KIAA1671: variants seen among roughly 807,000 people sequenced by gnomAD.
KIAA1671 encodes the protein KIAA1671.
KIAA1671 carries 52 observed loss-of-function variants against 131.2 expected under a neutral mutation model. The ratio of observed to expected loss-of-function variants is 0.40; its 90% CI spans 0.32 to 0.50. KIAA1671 has a LOEUF of 0.50. Among genes scored for constraint, KIAA1671 ranks in the 20% least tolerant of loss-of-function variants. KIAA1671 has a pLI of 0.73. For missense variants in KIAA1671, 2,360 were observed against 2,364.2 expected (o/e 1.00, Z 0.04); for synonymous variants, 1,003 against 961.6 (o/e 1.04, Z -0.80).
intron 11 of KIAA1671, chr22:25,186,425 C>T (rs1435769017): frequency 6.6e-6 from 1 of 151,362 alleles, no homozygotes; most frequent in East Asian, 1.9e-4. Flanking sequence ...GACCTTGTCA[C>T]GAAAAATAAA....
chr22:25,053,439 GA>G (rs1927653916), intron 6 of KIAA1671: 1 of 152,222 alleles, frequency 6.6e-6, no homozygotes, highest in South Asian at 2.1e-4. Context: ...CCCATCTTGT[GA>G]CGATGAAGTC....
chr22:25,112,325 A>ACCCCCTTCAAGCGTACTT (rs1191094919), intron 6 of KIAA1671: 1 of 398,172 alleles, frequency 2.5e-6, no homozygotes, highest in African/African-American at 2.1e-5. Context: ...GGCCAGCCGG[A>ACCCCCTTCAAGCGTACTT]CCCCCTTCAA....
rs904544648 is a variant in KIAA1671, at chr22:25,193,975, T to G, written c.*1574T>G. The stretch of plus-strand genomic sequence containing the variant: ...TTTGGGGATTCATGCCTGCAACTGC[T>G]TCAGTCGAATTCTTTTTTAAAGATC... On this transcript the variant is annotated 3_prime_UTR_variant, in exon 13 of 13. Transcript: ENST00000358431. The G allele has an allele frequency of 1.3e-5, 2 of 152,222 alleles. No homozygotes were observed. The highest frequency in any genetic ancestry group is 2.4e-5 in the African/African-American group (1 of 41,460). 9.4% of individuals were successfully genotyped at this position (152,222 alleles called of 1,614,324 possible). A position where few individuals can be genotyped will look rare whatever the true frequency, so the allele number is the denominator to read the frequency against.
At chr22:24,969,998 C>T (rs530873892) in intron 1 of KIAA1671, among the ~76,000 whole-genome samples, 2 of 152,298 alleles carry the variant, frequency 1.3e-5, no homozygotes, top group African/African-American at 4.8e-5. Flanking sequence ...CTGCTCAGAA[C>T]GGGGCTTGGG....
At chr22:25,177,245 CCT>C in intron 8 of KIAA1671, 101 bp from the exon 9 acceptor site, 1 of 1,109,436 alleles carries the variant, frequency 9.0e-7, no homozygotes, top group Non-Finnish European at 1.3e-6. Flanking sequence ...ACCTAAATAG[CCT>C]CTCATCTGTC....
intron 11 of KIAA1671, among the ~76,000 whole-genome samples, chr22:25,187,419 T>A (rs890809947): frequency 6.6e-6 from 1 of 152,236 alleles, no homozygotes; most frequent in Non-Finnish European, 1.5e-5. Flanking sequence ...ATTCCCCTGC[T>A]CCATGTTCCA....
intron 6 of KIAA1671, among the ~76,000 whole-genome samples, chr22:25,121,461 C>CAA (rs374457851): frequency 3.4e-3 from 209 of 61,302 alleles, no homozygotes; most frequent in Middle Eastern, 0.011. Flanking sequence ...GACTCCATCT[C>CAA]AAAAAAAAAA....
Position 25,039,385 on chromosome 22 carries a change from C to T in KIAA1671, c.2255C>T (p.Pro752Leu), listed in dbSNP as rs1327699543. The T allele has an allele frequency of 6.4e-6, 10 of 1,551,706 alleles. No homozygotes were observed. Among genetic ancestry groups the T allele is most frequent in the African/African-American group, 2.7e-5 (2 of 73,056 alleles). Residue 752 changes from proline (P) to leucine (L), a missense_variant, in exon 5 of 13, where the codon CCG becomes CTG. Pro to Leu is a moderately conservative substitution (Grantham distance 98). Coordinates refer to ENST00000358431, the MANE Select transcript of KIAA1671 (RefSeq NM_001145206.2). The part of the protein sequence containing the change: ...RVHSEAISPA[P>L]EEKAVTLRSL... ...CACAGCGAGGCCATCTCACCGGCAC[C>T]GGAGGAGAAAGCGGTCACGCTCCGC...
At chr22:24,974,184 G>A (rs187697488) in intron 1 of KIAA1671, among the ~76,000 whole-genome samples, 2 of 152,304 alleles carry the variant, frequency 1.3e-5, no homozygotes, top group East Asian at 3.9e-4. Flanking sequence ...AGCTGCGTGG[G>A]AGATAGAACT....
At chr22:24,980,460 CG>C (rs1923169904) in intron 1 of KIAA1671, among the ~76,000 whole-genome samples, 1 of 151,444 alleles carries the variant, frequency 6.6e-6, no homozygotes, top group Non-Finnish European at 1.5e-5. Context: ...TTAGTAGAGA[CG>C]GGGTTTCTCC....
At position 25,038,822 on chromosome 22, in the gene KIAA1671, A is replaced by C. The variant is rs1386205698; in HGVS notation, c.1692A>C (p.Thr564=). 2.6e-6 allele frequency: 4 copies of C among 1,551,512 alleles called. No individual in the cohort carries two copies. The highest frequency in any genetic ancestry group is 2.6e-6 in the Non-Finnish European group (3 of 1,146,908). ...CGAGAAGCCCCTGGAAGCCTGGGAC[A>C]CTCCGGGATAAGTCCAGGCAGACGG... is the stretch of plus-strand genomic sequence containing the variant. ...CIPRSPWKPG[T]LRDKSRQTEQ... The change falls in exon 5 of 13, where the codon ACA becomes ACC. Residue 564 remains threonine, a synonymous_variant. Coordinates refer to ENST00000358431, the MANE Select transcript of KIAA1671 (RefSeq NM_001145206.2).
intron 1 of KIAA1671, among the ~76,000 whole-genome samples, chr22:25,008,985 G>C (rs952461136): frequency 1.3e-5 from 2 of 152,230 alleles, no homozygotes; most frequent in African/African-American, 2.4e-5. Flanking sequence ...TGCCTGAAGG[G>C]CATGGGAGGC....
intron 9 of KIAA1671, among the ~76,000 whole-genome samples, chr22:25,178,931 G>A (rs1934151250): frequency 1.3e-5 from 2 of 152,160 alleles, no homozygotes; most frequent in Admixed American, 1.3e-4. Flanking sequence ...CAGGGGCGCC[G>A]GCTCAGAGGA....
chr22:25,028,996 G>T lies in KIAA1671; in HGVS notation c.997G>T (p.Ala333Ser). The T allele has an allele frequency of 6.6e-7, 1 of 1,515,198 alleles. No homozygotes were observed. Among genetic ancestry groups the T allele is most frequent in the South Asian group, 1.3e-5 (1 of 78,238 alleles). The allele number at this position is 1,515,198 out of a possible 1,614,324, so 93.9% of individuals were successfully genotyped here. The change falls in exon 3 of 13, where the codon GCG (alanine) becomes TCG (serine). Residue 333 changes from alanine to serine, a missense_variant. By Grantham distance (99) the Ala-to-Ser change is moderately conservative. This residue lies in a region of KIAA1671 where 1,185 missense variants were observed against 1,126.2 expected (regional missense o/e 1.05). Transcript: ENST00000358431. ...SKLDRDCLVKAEAPLHDPDLD... is the reference protein window; with the variant it reads ...SKLDRDCLVKSEAPLHDPDLD... The stretch of plus-strand genomic sequence containing the variant: ...GCTGGACAGGGACTGTTTGGTCAAG[G>T]CGGAGGCTCCTCTTCATGATCCTGA...
At chr22:25,021,061 A>G (rs1925641339) in intron 1 of KIAA1671, among the ~76,000 whole-genome samples, 1 of 151,994 alleles carries the variant, frequency 6.6e-6, no homozygotes, top group Admixed American at 6.6e-5. Flanking sequence ...GTCAGTGAGG[A>G]GGCTGATTTT....
chr22:24,999,120 C>T (rs993166084), intron 1 of KIAA1671, among the ~76,000 whole-genome samples: 29 of 152,154 alleles, frequency 1.9e-4, no homozygotes, highest in African/African-American at 7.0e-4. Flanking sequence ...AATTTAAAAG[C>T]AGCTTTAGTT....
At chr22:25,071,669 T>TTGGGCTCTGGGCTCCATGC (rs1474528937) in intron 6 of KIAA1671, among the ~76,000 whole-genome samples, 10 of 151,060 alleles carry the variant, frequency 6.6e-5, no homozygotes, top group African/African-American at 2.2e-4. Flanking sequence ...TGGCTGCGTG[T>TTGGGCTCTGGGCTCCATGC]TGGGCTCTGG....
intron 6 of KIAA1671, chr22:25,054,065 C>G (rs1927703135): frequency 6.8e-6 from 1 of 146,622 alleles, no homozygotes; most frequent in Non-Finnish European, 1.5e-5. Context: ...AAGAATTAGA[C>G]TGGCGTGGTG....
intron 6 of KIAA1671, among the ~76,000 whole-genome samples, chr22:25,113,447 C>T (rs1931487405): frequency 6.6e-6 from 1 of 152,234 alleles, no homozygotes; most frequent in East Asian, 1.9e-4. Context: ...AAGGGCTAAG[C>T]CAGCCCCTTT....
Sources: allele counts gnomAD v4.1 joint callset (sites outside exome capture counted in the v4.1 genomes callset), GRCh38; gene constraint gnomAD v4.1.1; regional missense constraint gnomAD v4.1.1; transcripts MANE v1.5; gene names NCBI Gene and HGNC (gene_info 2026-07-23, HGNC 2026-07-21).